The following ARHGAP22 variants were observed in gnomAD, a reference collection of about 807,000 sequenced individuals.
ARHGAP22 encodes Rho GTPase activating protein 22.
In ARHGAP22, 48 loss-of-function variants were observed where a neutral mutation model predicts 59.1. That is an observed-to-expected ratio of 0.81 (90% CI 0.64 to 1.03). ARHGAP22 has a LOEUF of 1.03. Among genes scored for constraint, ARHGAP22 ranks in the 50% least tolerant of loss-of-function variants. ARHGAP22 has a pLI of 0.00. For synonymous variants in ARHGAP22, 445 were observed against 416.4 expected (o/e 1.07, Z -0.84); for missense variants, 1,015 against 958.7 (o/e 1.06, Z -0.78).
At chr10:48,612,160 C>A (rs1351753706) in intron 1 of ARHGAP22, among the ~76,000 whole-genome samples, 5 of 151,980 alleles carry the variant, frequency 3.3e-5, no homozygotes, top group Non-Finnish European at 5.9e-5. Flanking sequence ...CCTCCTTTTG[C>A]ATCTTTAATC....
intron 3 of ARHGAP22, among the ~76,000 whole-genome samples, chr10:48,554,032 A>G (rs2004665): frequency 0.6 from 91,357 of 152,046 alleles, 28,220 homozygotes; most frequent in East Asian, 0.98. Context: ...TCCACAGTCA[A>G]CCTCTGTTTT....
downstream of ARHGAP22, chr10:48,445,827 A>C: frequency 6.4e-6 from 1 of 157,072 alleles, no homozygotes; most frequent in Non-Finnish European, 1.4e-5. Flanking sequence ...GAGTAAAGAA[A>C]GGCATCCCAC....
chr10:48,642,352 A>G (rs1003213455), intron 1 of ARHGAP22, among the ~76,000 whole-genome samples: 7 of 152,250 alleles, frequency 4.6e-5, no homozygotes, highest in African/African-American at 1.7e-4. Context: ...ACAAGGCTAC[A>G]GTAACCAAAA....
At chr10:48,558,832 G>A (rs1214691472) in intron 2 of ARHGAP22, among the ~76,000 whole-genome samples, 1 of 152,186 alleles carries the variant, frequency 6.6e-6, no homozygotes, top group Non-Finnish European at 1.5e-5. Context: ...CTAGTCTAGG[G>A]ACACTAAAGG....
chr10:48,568,638 G>C (rs779379614), intron 2 of ARHGAP22, among the ~76,000 whole-genome samples: 8 of 152,236 alleles, frequency 5.3e-5, no homozygotes, highest in African/African-American at 1.9e-4. Context: ...AGGTGGATAT[G>C]GGCATTGACT....
chr10:48,637,078 T>C (rs2061848249), intron 1 of ARHGAP22, among the ~76,000 whole-genome samples: 1 of 152,096 alleles, frequency 6.6e-6, no homozygotes, highest in Admixed American at 6.5e-5. Context: ...ATTGCTGCCA[T>C]CCCTGCCAGG....
At chr10:48,518,452 G>T (rs1037871665) in intron 3 of ARHGAP22, among the ~76,000 whole-genome samples, 8 of 152,174 alleles carry the variant, frequency 5.3e-5, no homozygotes, top group African/African-American at 1.9e-4. Flanking sequence ...ATACATAATG[G>T]CAAGTGAGCA....
chr10:48,631,323 A>G (rs1013964568), intron 1 of ARHGAP22, among the ~76,000 whole-genome samples: 1 of 152,172 alleles, frequency 6.6e-6, no homozygotes, highest in Non-Finnish European at 1.5e-5. Context: ...TCACAGAATG[A>G]GTTAGAAACT....
intron 3 of ARHGAP22, among the ~76,000 whole-genome samples, chr10:48,505,731 C>G (rs2052045635): frequency 6.6e-6 from 1 of 152,152 alleles, no homozygotes; most frequent in Non-Finnish European, 1.5e-5. Context: ...CTTCTCCTGG[C>G]TGGGATGGAG....
intron 2 of ARHGAP22, among the ~76,000 whole-genome samples, chr10:48,578,709 A>G (rs2058920072): frequency 6.6e-6 from 1 of 151,818 alleles, no homozygotes; most frequent in Non-Finnish European, 1.5e-5. Context: ...AAAGAGAAAC[A>G]ATGAGTGTTC....
intron 1 of ARHGAP22, among the ~76,000 whole-genome samples, chr10:48,604,328 A>T (rs1564984636): frequency 6.6e-6 from 1 of 151,686 alleles, no homozygotes; most frequent in South Asian, 2.1e-4. Flanking sequence ...GGGAACGAAG[A>T]CCCTCGCTTG....
intron 1 of ARHGAP22, among the ~76,000 whole-genome samples, chr10:48,649,829 GT>G (rs1487987213): frequency 2.6e-5 from 4 of 152,210 alleles, no homozygotes; most frequent in Non-Finnish European, 5.9e-5. Context: ...GTGCTGGTAG[GT>G]TCTCGATGTG....
intron 1 of ARHGAP22, among the ~76,000 whole-genome samples, chr10:48,586,495 A>C (rs576400896): frequency 6.6e-6 from 1 of 152,316 alleles, no homozygotes; most frequent in East Asian, 1.9e-4. Context: ...TGTTTCCTAA[A>C]GCTGGGCTCC....
At chr10:48,650,578 T>A (rs2136214444) in intron 1 of ARHGAP22, among the ~76,000 whole-genome samples, 1 of 152,368 alleles carries the variant, frequency 6.6e-6, no homozygotes, top group South Asian at 2.1e-4. Context: ...CATTTCATCT[T>A]GATAAAGACA....
intron 1 of ARHGAP22, among the ~76,000 whole-genome samples, chr10:48,620,624 T>G (rs995658621): frequency 2.0e-5 from 3 of 152,148 alleles, no homozygotes; most frequent in African/African-American, 7.2e-5. Flanking sequence ...TATACCACCT[T>G]GTACTGCTCA....
chr10:48,521,601 C>T (rs1190786711), intron 3 of ARHGAP22, among the ~76,000 whole-genome samples: 1 of 152,218 alleles, frequency 6.6e-6, no homozygotes, highest in Non-Finnish European at 1.5e-5. Context: ...AATGGACTCT[C>T]TTTCAAGCTT....
At chr10:48,592,709 T>C (rs975488519) in intron 1 of ARHGAP22, among the ~76,000 whole-genome samples, 3 of 152,152 alleles carry the variant, frequency 2.0e-5, no homozygotes, top group Non-Finnish European at 4.4e-5. Flanking sequence ...CTGCCAATGC[T>C]GCATGTCCAA....
At chr10:48,649,614 A>G (rs1033619672) in intron 1 of ARHGAP22, among the ~76,000 whole-genome samples, 1 of 152,206 alleles carries the variant, frequency 6.6e-6, no homozygotes, top group Non-Finnish European at 1.5e-5. Context: ...TTGGGAGACA[A>G]CCAGGCAGAC....
At chr10:48,586,673 C>T (rs1345106) in intron 1 of ARHGAP22, among the ~76,000 whole-genome samples, 59,429 of 152,082 alleles carry the variant, frequency 0.39, 12,645 homozygotes, top group Non-Finnish European at 0.48. Context: ...ATAATTTGAG[C>T]GTTCCTACTC....
Sources: gnomAD v4.1 joint callset for allele counts (sites outside exome capture counted in the v4.1 genomes callset) on GRCh38, gnomAD v4.1.1 for gene constraint, MANE v1.5 for transcripts, NCBI Gene and HGNC (gene_info 2026-07-23, HGNC 2026-07-21) for gene names.